TGM4: variants seen among roughly 807,000 people sequenced by gnomAD.
TGM4 encodes transglutaminase 4.
A neutral mutation model predicts 76.3 loss-of-function variants in TGM4; 61 were observed. The ratio of observed to expected loss-of-function variants is 0.80; its 90% CI spans 0.65 to 0.99. The LOEUF (loss-of-function observed/expected upper bound fraction) is 0.99. TGM4 is among the 50% of genes least tolerant of loss of function. TGM4 has a pLI of 0.00. For synonymous variants in TGM4, 337 were observed against 329.8 expected (o/e 1.02, Z -0.24); for missense variants, 794 against 843.2 (o/e 0.94, Z 0.72).
chr3:44,883,053 G>T (rs1047133507), intron 1 of TGM4, among the ~76,000 whole-genome samples: 9 of 152,244 alleles, frequency 5.9e-5, no homozygotes, highest in African/African-American at 2.2e-4. Context: ...GGGAACCCAG[G>T]TCACCCACCT....
intron 10 of TGM4, among the ~76,000 whole-genome samples, chr3:44,908,739 T>A (rs563107699): frequency 2.0e-5 from 3 of 152,286 alleles, no homozygotes; most frequent in East Asian, 3.9e-4. Context: ...ACTTTTTTTT[T>A]AGTTTTTTGA....
At chr3:44,907,310 CA>C (rs3082589) in intron 10 of TGM4, 110 bp downstream of exon 10, 38,501 of 652,000 alleles carry the variant, frequency 0.059, 9 homozygotes, top group Non-Finnish European at 0.069. Context: ...CCATCCCTAC[CA>C]AAAAAAAAAA....
At chr3:44,882,488 A>C (rs78359015) in intron 1 of TGM4, among the ~76,000 whole-genome samples, 1,604 of 152,288 alleles carry the variant, frequency 0.011, 22 homozygotes, top group Non-Finnish European at 0.017. Context: ...CAAAATCAAA[A>C]TGTCCGCAGG....
intron 3 of TGM4, 85 bp from the exon 4 acceptor site, chr3:44,890,518 C>T (rs1699676957): frequency 1.3e-6 from 2 of 1,555,460 alleles, no homozygotes; most frequent in Non-Finnish European, 8.7e-7. Flanking sequence ...GTTGTTAGGA[C>T]TGACGGATTC....
intron 2 of TGM4, 62 bp downstream of exon 2, chr3:44,885,560 T>G: frequency 6.4e-7 from 1 of 1,551,078 alleles, no homozygotes; most frequent in East Asian, 2.3e-5. Flanking sequence ...CTGTGGATGC[T>G]GGAGTGGCCC....
Position 44,890,670 on chromosome 3 carries a change from G to A in TGM4, c.368G>A (p.Gly123Glu). 6.2e-7 allele frequency: 1 copy of A among 1,614,208 alleles called. No individual in the cohort carries two copies. The highest frequency in any genetic ancestry group is 8.5e-7 in the Non-Finnish European group (1 of 1,180,042). Residue 123 changes from glycine (G) to glutamate (E), a missense_variant, in exon 4 of 14, where the codon GGA becomes GAA. Coordinates refer to ENST00000296125, the MANE Select transcript of TGM4 (RefSeq NM_003241.4). ...AAGTACCAACTAAACGTGAAAACTG[G>A]AAACCACATCCTTAAGTCTGAAGAA... Reference protein sequence around the residue: ...LGKYQLNVKTGNHILKSEENI... With the variant: ...LGKYQLNVKTENHILKSEENI...
intron 9 of TGM4, among the ~76,000 whole-genome samples, chr3:44,905,254 G>A (rs746988577): frequency 3.3e-5 from 5 of 151,804 alleles, no homozygotes; most frequent in East Asian, 1.9e-4. Flanking sequence ...CCAAAGTGCC[G>A]GGATTACAGG....
chr3:44,902,648 G>A (rs578044727), intron 8 of TGM4, among the ~76,000 whole-genome samples: 2 of 124,844 alleles, frequency 1.6e-5, no homozygotes, highest in African/African-American at 6.0e-5. Context: ...GCAGATTCCT[G>A]TACTGGAGCT....
At position 44,874,628 on chromosome 3, in the gene TGM4, A is replaced by T. The variant is rs1445565182; in HGVS notation, c.-51A>T. Reference sequence around the variant, plus strand: ...TGAGGACCGACTGTGTGGAAGCACCAGGCATCAGAGATAGAGTCTTCCCTG... The same window carrying T: ...TGAGGACCGACTGTGTGGAAGCACCTGGCATCAGAGATAGAGTCTTCCCTG... On this transcript the variant is annotated 5_prime_UTR_variant, in exon 1 of 14. Transcript: ENST00000296125. 6.2e-7 allele frequency: 1 copy of T among 1,612,658 alleles called. No individual in the cohort carries two copies. Among genetic ancestry groups the T allele is most frequent in the Non-Finnish European group, 8.5e-7 (1 of 1,178,750 alleles).
intron 1 of TGM4, among the ~76,000 whole-genome samples, chr3:44,877,241 G>A (rs1333349688): frequency 2.6e-5 from 4 of 152,122 alleles, no homozygotes; most frequent in African/African-American, 9.7e-5. Context: ...GAGATCAGAA[G>A]TTAGGGACAA....
chr3:44,887,167 C>T (rs1699619156), intron 2 of TGM4, among the ~76,000 whole-genome samples: 1 of 152,224 alleles, frequency 6.6e-6, no homozygotes, highest in Non-Finnish European at 1.5e-5. Context: ...CTGAGGGCCA[C>T]CTGTGGGCTA....
Position 44,885,230 on chromosome 3 carries a change from C to T in TGM4, c.20-95C>T. 6 of 1,344,580 alleles carry T rather than the reference C, an allele frequency of 4.5e-6. No individual in the cohort carries two copies. The South Asian group carries it at 5.9e-5, about 13-fold the overall frequency. The allele number at this position is 1,344,580 out of a possible 1,614,324, so 83.3% of individuals were successfully genotyped here. ...TGCCCGACTCTAAAGCCCAGCTCCA[C>T]CTCAATGCACTCTCAGATTTTGAAC... On this transcript the variant is annotated intron_variant, in intron 1 of 13. Transcript: ENST00000296125.
intron 10 of TGM4, among the ~76,000 whole-genome samples, chr3:44,909,299 A>G (rs1699968379): frequency 6.6e-6 from 1 of 152,276 alleles, no homozygotes; most frequent in Non-Finnish European, 1.5e-5. Flanking sequence ...ATTTCCAGGA[A>G]TCTGTCTGAG....
At chr3:44,906,253 C>G (rs547637309) in intron 9 of TGM4, among the ~76,000 whole-genome samples, 1 of 152,156 alleles carries the variant, frequency 6.6e-6, no homozygotes, top group South Asian at 2.1e-4. Context: ...AGCCCAATGC[C>G]CAGAATACAA....
chr3:44,882,183 CCA>C (rs1305016442), intron 1 of TGM4, among the ~76,000 whole-genome samples: 1 of 150,446 alleles, frequency 6.6e-6, no homozygotes, highest in Non-Finnish European at 1.5e-5. Flanking sequence ...AGTGATTCTC[CCA>C]CCTCAGTCTC....
chr3:44,877,494 G>A (rs1156422693), intron 1 of TGM4, among the ~76,000 whole-genome samples: 1 of 151,756 alleles, frequency 6.6e-6, no homozygotes, highest in Non-Finnish European at 1.5e-5. Context: ...GGTGCATATC[G>A]GTAGTTCCAG....
intron 1 of TGM4, among the ~76,000 whole-genome samples, chr3:44,881,245 A>AT (rs1204337249): frequency 1.3e-5 from 2 of 151,950 alleles, no homozygotes; most frequent in Non-Finnish European, 2.9e-5. Context: ...ACCTCTCACT[A>AT]TTTTTTGTCC....
chr3:44,914,641 G>A lies in TGM4; in HGVS notation c.*916G>A, dbSNP rs1700059442. ...AGTCCTTTTTTCTTTATGCCAATAA[G>A]CTTCTTAAATGTGCTGGCGGTTTAT... On this transcript the variant is annotated 3_prime_UTR_variant, in exon 14 of 14. Coordinates refer to ENST00000296125, the MANE Select transcript of TGM4 (RefSeq NM_003241.4). 6.6e-6 allele frequency: 1 copy of A among 152,130 alleles called. No homozygotes were observed. Among genetic ancestry groups the A allele is most frequent in the African/African-American group, 2.4e-5 (1 of 41,406 alleles). The allele number at this position is 152,130 out of a possible 1,614,324, so 9.4% of individuals were successfully genotyped here.
intron 1 of TGM4, among the ~76,000 whole-genome samples, chr3:44,884,853 C>T (rs1047408959): frequency 6.6e-6 from 1 of 152,118 alleles, no homozygotes; most frequent in East Asian, 1.9e-4. Flanking sequence ...CTCATCTGTT[C>T]CCTCCTCAGT....
Sources: allele counts gnomAD v4.1 joint callset (sites outside exome capture counted in the v4.1 genomes callset), GRCh38; gene constraint gnomAD v4.1.1; transcripts MANE v1.5; gene names NCBI Gene and HGNC (gene_info 2026-07-23, HGNC 2026-07-21).